Variants in MIA3 observed in about 807,000 individuals in gnomAD.
The protein encoded by MIA3 is MIA SH3 domain ER export factor 3, also known as transport and Golgi organization protein 1 homolog.
In MIA3, 90 loss-of-function variants were observed where a neutral mutation model predicts 192.4. That is an observed-to-expected ratio of 0.47 (90% CI 0.39 to 0.56). MIA3 has a LOEUF of 0.56. MIA3 is among the 20% of genes least tolerant of loss of function. The pLI is 0.00. For synonymous variants in MIA3, 740 were observed against 792.8 expected (o/e 0.93, Z 1.12); for missense variants, 2,123 against 2,269.4 (o/e 0.94, Z 1.31).
In MIA3 at chr1:222,629,127, A is replaced by T; in HGVS notation, c.1907A>T (p.Asp636Val). Residue 636 changes from aspartate to valine, a missense_variant, in exon 4 of 28, where the codon GAT becomes GTT. Physicochemically the swap from Asp to Val is radical, Grantham distance 152. Coordinates refer to ENST00000344922, the MANE Select transcript of MIA3 (RefSeq NM_198551.4). Reference sequence around the variant, plus strand: ...AACCAACCTAGATTCTCCTCTCCAGATGAGATTGATTTGCCCAGAGAACTG... The same window carrying T: ...AACCAACCTAGATTCTCCTCTCCAGTTGAGATTGATTTGCCCAGAGAACTG... ...TQNQPRFSSP[D>V]EIDLPRELED... 6.2e-7 allele frequency: 1 copy of T among 1,614,238 alleles called. No homozygotes were observed. The highest frequency in any genetic ancestry group is 2.2e-5 in the East Asian group (1 of 44,882).
chr1:222,644,060 C>T (rs970305271), intron 6 of MIA3, among the ~76,000 whole-genome samples: 1 of 152,222 alleles, frequency 6.6e-6, no homozygotes, highest in South Asian at 2.1e-4. Context: ...CTCCTTTTCC[C>T]CAGCTGCCGC....
chr1:222,651,032 T>A (rs1663403164), intron 11 of MIA3, 129 bp downstream of exon 11: 4 of 594,114 alleles, frequency 6.7e-6, no homozygotes, highest in Non-Finnish European at 1.2e-5. Context: ...TGAACCTACT[T>A]CTGTCCATTT....
Position 222,652,311 on chromosome 1 carries a change from G to A in MIA3, c.4065G>A (p.Arg1355=), listed in dbSNP as rs748361629. Reference sequence around the variant, plus strand: ...ATCGGGTTCAAGAAGAAAATGCTAGGCTTAAGAAGAAAAAAGAGCAGGTAA... The same window carrying A: ...ATCGGGTTCAAGAAGAAAATGCTAGACTTAAGAAGAAAAAAGAGCAGGTAA... ...ECHRVQEENA[R]LKKKKEQLQQ... The change falls in exon 13 of 28, where the codon AGG becomes AGA. Residue 1355 remains arginine, a synonymous_variant. Coordinates refer to ENST00000344922, the MANE Select transcript of MIA3 (RefSeq NM_198551.4). 5.0e-6 allele frequency: 8 copies of A among 1,613,118 alleles called. No homozygotes were observed. The highest frequency in any genetic ancestry group is 5.9e-6 in the Non-Finnish European group (7 of 1,179,326).
chr1:222,633,044 T>C (rs1662471704), intron 5 of MIA3, 60 bp from the exon 6 acceptor site: 42 of 1,511,702 alleles, frequency 2.8e-5, no homozygotes, highest in Non-Finnish European at 3.7e-5. Context: ...TCAATAAGTA[T>C]TTTTTAAAGA....
Position 222,665,653 on chromosome 1 carries a change from G to A in MIA3, c.*34G>A. ...CCTCTGAGGTTTCATTGGAAAGAAA[G>A]TGTACTGTGCATTATCCATTACAGT... is the stretch of plus-strand genomic sequence containing the variant. On this transcript the variant is annotated 3_prime_UTR_variant, in exon 28 of 28. Coordinates refer to ENST00000344922, the MANE Select transcript of MIA3 (RefSeq NM_198551.4). 6.6e-7 allele frequency: 1 copy of A among 1,506,956 alleles called. No individual in the cohort carries two copies. 93.3% of individuals were successfully genotyped at this position (1,506,956 alleles called of 1,614,324 possible). A position where few individuals can be genotyped will look rare whatever the true frequency, so the allele number is the denominator to read the frequency against.
chr1:222,651,050 A>C, intron 11 of MIA3, 147 bp downstream of exon 11: 1 of 585,838 alleles, frequency 1.7e-6, no homozygotes, highest in Non-Finnish European at 3.0e-6. Flanking sequence ...TTTTTGTGGA[A>C]TTTTAAGTAC....
chr1:222,618,275 G>A (rs1280404091), intron 1 of MIA3, 32 bp downstream of exon 1: 1 of 1,393,398 alleles, frequency 7.2e-7, no homozygotes, highest in South Asian at 1.5e-5. Flanking sequence ...CTGGCCTCGG[G>A]GCGGCTGGCC....
chr1:222,638,514 C>A (rs922394252), intron 6 of MIA3, among the ~76,000 whole-genome samples: 1 of 150,742 alleles, frequency 6.6e-6, no homozygotes, highest in African/African-American at 2.5e-5. Flanking sequence ...ATGGTGAAAT[C>A]CTGTTTCTAC....
In MIA3 at chr1:222,664,017, G is replaced by A; in HGVS notation, c.5282G>A (p.Gly1761Glu). The A allele has an allele frequency of 6.2e-7, 1 of 1,613,662 alleles. No homozygotes were observed. The highest frequency in any genetic ancestry group is 8.5e-7 in the Non-Finnish European group (1 of 1,179,828). ...DEGKVNMAPKGPPPFPGVPLM... is the reference protein window; with the variant it reads ...DEGKVNMAPKEPPPFPGVPLM... ...CTGCAGGTTAATATGGCTCCAAAAG[G>A]GCCCCCTCCTTTCCCAGGAGTCCCT... The change falls in exon 27 of 28, where the codon GGG becomes GAG. Residue 1761 changes from glycine to glutamate, a missense_variant. Transcript: ENST00000344922.
Position 222,624,542 on chromosome 1 carries a change from T to G in MIA3, c.268-226T>G, listed in dbSNP as rs184652099. Among the ~76,000 whole-genome samples the G allele has an allele frequency of 1.4e-3, 216 of 152,328 alleles. 1 individual carries two copies. The highest frequency in any genetic ancestry group is 6.8e-3 in the Middle Eastern group (2 of 294). ...TCTCTTGTGGTTCTCATGTATTTTTTGTGTTTAGTGCAATACTGTAAACCT... is the reference window on the plus strand; with the variant it reads ...TCTCTTGTGGTTCTCATGTATTTTTGGTGTTTAGTGCAATACTGTAAACCT... On this transcript the variant is annotated intron_variant, in intron 2 of 27. Coordinates refer to ENST00000344922, the MANE Select transcript of MIA3 (RefSeq NM_198551.4).
In MIA3 at chr1:222,628,496, G is replaced by A; in HGVS notation, c.1276G>A (p.Gly426Arg). 1 of 1,613,630 alleles carries A rather than the reference G, an allele frequency of 6.2e-7. No homozygotes were observed. Among genetic ancestry groups the A allele is most frequent in the South Asian group, 1.1e-5 (1 of 90,932 alleles). Reference protein sequence around the residue: ...DDALVPDSKQGKPQSATDYSD... With the variant: ...DDALVPDSKQRKPQSATDYSD... ...TGCATTAGTCCCAGATAGCAAACAG[G>A]GGAAACCACAGTCAGCAACAGATTA... The change falls in exon 4 of 28, where the codon GGG becomes AGG. Residue 426 changes from glycine (G) to arginine (R), a missense_variant. Transcript: ENST00000344922.
Position 222,654,773 on chromosome 1 carries a change from G to A in MIA3, c.4587G>A (p.Gln1529=). Residue 1529 remains glutamine (Q), a synonymous_variant, in exon 18 of 28, where the codon CAG becomes CAA. Transcript: ENST00000344922. The part of the protein sequence containing the change: ...KVEILNELYQ[Q]KEMALQKKLS... The stretch of plus-strand genomic sequence containing the variant: ...AGATTCTGAATGAGCTCTATCAGCA[G>A]AAGGAGATGGCTTTGCAAAAGTAAG... The A allele has an allele frequency of 6.2e-7, 1 of 1,613,882 alleles. No homozygotes were observed. Among genetic ancestry groups the A allele is most frequent in the Non-Finnish European group, 8.5e-7 (1 of 1,179,914 alleles).
At chr1:222,655,175 T>G (rs1428511997) in intron 18 of MIA3, among the ~76,000 whole-genome samples, 2 of 152,246 alleles carry the variant, frequency 1.3e-5, no homozygotes, top group Non-Finnish European at 2.9e-5. Flanking sequence ...TGACGTGTTT[T>G]AGTAGAATAA....
intron 6 of MIA3, among the ~76,000 whole-genome samples, chr1:222,642,118 T>G (rs1412872493): frequency 1.3e-5 from 2 of 152,178 alleles, no homozygotes; most frequent in African/African-American, 4.8e-5. Flanking sequence ...ACATTCTGCT[T>G]CAGGGGCAGG....
intron 1 of MIA3, among the ~76,000 whole-genome samples, chr1:222,619,217 G>A (rs1437892015): frequency 6.6e-6 from 1 of 152,190 alleles, no homozygotes; most frequent in African/African-American, 2.4e-5. Flanking sequence ...TTAGCCGCTT[G>A]CGTGTTGAAA....
At chr1:222,659,022 C>T (rs749466521) in intron 19 of MIA3, 199 bp downstream of exon 19, 42 of 474,716 alleles carry the variant, frequency 8.8e-5, no homozygotes, top group African/African-American at 3.2e-4. Context: ...GAACTTGATT[C>T]GTGCAAACAG....
chr1:222,665,345 T>G lies in MIA3; in HGVS notation c.5450T>G (p.Phe1817Cys). 1 of 1,613,754 alleles carries G rather than the reference T, an allele frequency of 6.2e-7. No homozygotes were observed. Among genetic ancestry groups the G allele is most frequent in the Non-Finnish European group, 8.5e-7 (1 of 1,179,858 alleles). The change falls in exon 28 of 28, where the codon TTT (phenylalanine) becomes TGT (cysteine). Residue 1817 changes from phenylalanine to cysteine, a missense_variant. By Grantham distance (205) the Phe-to-Cys change is radical. Around this residue, in one of 3 missense-constraint regions of MIA3, gnomAD observed 762 missense variants for 856.4 expected, o/e 0.89. Transcript: ENST00000344922. ...CGTCCACCACTAGGCTTAAGAGAAT[T>G]TGCACCAGGCGTTCCACCAGGAAGA... is the stretch of plus-strand genomic sequence containing the variant. ...GMRPPLGLRE[F>C]APGVPPGRRD...
At chr1:222,622,924 C>T (rs975185740) in intron 2 of MIA3, among the ~76,000 whole-genome samples, 2 of 152,160 alleles carry the variant, frequency 1.3e-5, no homozygotes, top group African/African-American at 4.8e-5. Context: ...ATCTTTGCTG[C>T]CTGATGATTG....
intron 9 of MIA3, 83 bp downstream of exon 9, chr1:222,650,463 G>A (rs1289181065): frequency 1.5e-5 from 13 of 855,636 alleles, no homozygotes; most frequent in Non-Finnish European, 2.4e-5. Context: ...AGTTACTATG[G>A]TATTTTTAAA....
Sources: gnomAD v4.1 joint callset for allele counts (sites outside exome capture counted in the v4.1 genomes callset) on GRCh38, gnomAD v4.1.1 for gene constraint, gnomAD v4.1.1 regional missense constraint, MANE v1.5 for transcripts, NCBI Gene and HGNC (gene_info 2026-07-23, HGNC 2026-07-21) for gene names.